CSMD2: variants seen among roughly 807,000 people sequenced by gnomAD.
The protein encoded by CSMD2 is CUB and sushi domain-containing protein 2.
A neutral mutation model predicts 398.5 loss-of-function variants in CSMD2; 130 were observed. The observed-to-expected ratio is 0.33, with a 90% CI of 0.28 to 0.38. The LOEUF (loss-of-function observed/expected upper bound fraction) is 0.38, where lower values mean the gene tolerates loss of function less well. Ranked by LOEUF, CSMD2 falls within the 10% of genes least tolerant of loss-of-function variation. The pLI, the probability that CSMD2 is intolerant of heterozygous loss-of-function variation, is 1.00. For synonymous variants in CSMD2, 1,828 were observed against 1,908.5 expected (o/e 0.96, Z 1.10); for missense variants, 3,829 against 4,764.9 (o/e 0.80, Z 5.78).
rs571561678 is a variant in CSMD2 at position 33,728,578 on chromosome 1, G to C, written c.2369-1893C>G. 2.9e-4 allele frequency among the ~76,000 whole-genome samples: 44 copies of C among 152,118 alleles called. 1 individual carries two copies. The highest frequency in any genetic ancestry group is 6.0e-4 in the Non-Finnish European group (41 of 68,028). ...AAAACTAAGGCCAAGTAGGTTAAGA[G>C]ACTAGATCAAGGATACAGAGCTAAT... On this transcript the variant is annotated intron_variant, in intron 15 of 70. Coordinates refer to ENST00000373381, the MANE Select transcript of CSMD2 (RefSeq NM_001281956.2).
Position 33,624,917 on chromosome 1 carries a change from AC to A in CSMD2, c.5500+133del, listed in dbSNP as rs573905542. On this transcript the variant is annotated intron_variant, in intron 34 of 70. Coordinates refer to ENST00000373381, the MANE Select transcript of CSMD2 (RefSeq NM_001281956.2). The surrounding 1 kb of genome is among the most constrained non-coding windows in gnomAD (Gnocchi z 4.7). ...GCCGGGGACTGGGGTTGACTGGGAC[AC>A]CCCACCTCAGCCATGCGGTGGGAAG... The A allele has an allele frequency of 2.1e-5, 20 of 968,144 alleles. No individual in the cohort carries two copies. The South Asian group carries it at 3.1e-4, about 15-fold the overall frequency. The allele number at this position is 968,144 out of a possible 1,614,324, so 60.0% of individuals were successfully genotyped here. A position where few individuals can be genotyped will look rare whatever the true frequency, so the allele number is the denominator to read the frequency against.
chr1:33,988,634 G>A (rs1027350251), intron 3 of CSMD2, among the ~76,000 whole-genome samples: 1 of 152,046 alleles, frequency 6.6e-6, no homozygotes, highest in Non-Finnish European at 1.5e-5. Context: ...GCAGGGACTT[G>A]TTCCACTTTA....
chr1:34,125,093 G>C (rs769646613), intron 1 of CSMD2, among the ~76,000 whole-genome samples: 24 of 152,180 alleles, frequency 1.6e-4, no homozygotes, highest in Non-Finnish European at 4.4e-5. Context: ...AGCCAGGCCA[G>C]ACCAAATAAA....
Position 33,707,689 on chromosome 1 carries a change from GCGCGCGCACACACACACA to G in CSMD2, c.3576+1382_3576+1399del, listed in dbSNP as rs1296566717. On this transcript the variant is annotated intron_variant, in intron 22 of 70. Coordinates refer to ENST00000373381, the MANE Select transcript of CSMD2 (RefSeq NM_001281956.2). ...CAAACACGCACGCGTGCACACGCGC[GCGCGCGCACACACACACA>G]CACACACACACACACACACACACAC... Among the ~76,000 whole-genome samples the G allele has an allele frequency of 1.6e-3, 201 of 126,398 alleles. 1 individual carries two copies. Among genetic ancestry groups the G allele is most frequent in the Middle Eastern group, 8.3e-3 (2 of 242 alleles). The allele number at this position is 126,398 out of a possible 152,430, so 82.9% of individuals were successfully genotyped here. A position where few individuals can be genotyped will look rare whatever the true frequency, so the allele number is the denominator to read the frequency against.
At chr1:34,040,294 CTT>C (rs1651702903) in intron 2 of CSMD2, among the ~76,000 whole-genome samples, 1 of 152,126 alleles carries the variant, frequency 6.6e-6, no homozygotes, top group Non-Finnish European at 1.5e-5. Context: ...CGGGAGAGCT[CTT>C]TGCTATTTTA....
In CSMD2 at chr1:33,636,125, C is replaced by CT. The variant is rs1642786064; in HGVS notation, c.4969+234dup. On this transcript the variant is annotated intron_variant, in intron 30 of 70. Transcript: ENST00000373381. The surrounding 1 kb of genome is among the most constrained non-coding windows in gnomAD (Gnocchi z 4.8). The stretch of plus-strand genomic sequence containing the variant: ...GGGCCTCTGTTGAGGGCATGAGCAT[C>CT]TATGTGAATGGGGGTAGGGACACCA... 6.6e-6 allele frequency among the ~76,000 whole-genome samples: 1 copy of CT among 152,154 alleles called. No individual in the cohort carries two copies. The highest frequency in any genetic ancestry group is 6.5e-5 in the Admixed American group (1 of 15,278).
At chr1:33,861,265 T>A (rs1639476509) in intron 5 of CSMD2, 1 of 152,230 alleles carries the variant, frequency 6.6e-6, no homozygotes, top group Non-Finnish European at 1.5e-5. Flanking sequence ...GTTGGCAGAT[T>A]TACGACCCCC....
At position 33,743,344 on chromosome 1, in the gene CSMD2, C is replaced by T. The variant is rs1349035632; in HGVS notation, c.2109G>A (p.Val703=). The T allele has an allele frequency of 1.9e-6, 3 of 1,614,132 alleles. No homozygotes were observed. The highest frequency in any genetic ancestry group is 2.5e-6 in the Non-Finnish European group (3 of 1,180,006). ...GGTCAGTCTGGAACTCGAGACGGGC[C>T]ACGTGGCCACTGCTTGTGATGGAGG... The part of the protein sequence containing the change: ...LPSSITSSGH[V]ARLEFQTDHS... The change falls in exon 14 of 71, where the codon GTG becomes GTA. Residue 703 remains valine (V), a synonymous_variant. Coordinates refer to ENST00000373381, the MANE Select transcript of CSMD2 (RefSeq NM_001281956.2).
At chr1:34,105,990 T>C (rs1660487076) in intron 1 of CSMD2, among the ~76,000 whole-genome samples, 1 of 152,224 alleles carries the variant, frequency 6.6e-6, no homozygotes, top group South Asian at 2.1e-4. Context: ...CCATGGATTC[T>C]ATCAAGAACC....
At chr1:34,012,920 C>T (rs1435142176) in intron 3 of CSMD2, among the ~76,000 whole-genome samples, 3 of 152,204 alleles carry the variant, frequency 2.0e-5, no homozygotes, top group African/African-American at 7.2e-5. Context: ...ATTTGCCTCT[C>T]CAGGCTTGTC....
intron 13 of CSMD2, among the ~76,000 whole-genome samples, chr1:33,771,867 C>A (rs1487796931): frequency 6.6e-6 from 1 of 152,214 alleles, no homozygotes; most frequent in African/African-American, 2.4e-5. Context: ...CCCACAGAGA[C>A]CATGTCTGGG....
At chr1:34,147,704 TGGG>T (rs1639912088) in intron 1 of CSMD2, among the ~76,000 whole-genome samples, 1 of 147,552 alleles carries the variant, frequency 6.8e-6, no homozygotes, top group Non-Finnish European at 1.5e-5. Flanking sequence ...AGTGTGTGCA[TGGG>T]CTAATGGGAG....
intron 14 of CSMD2, among the ~76,000 whole-genome samples, chr1:33,739,829 G>A (rs1646999725): frequency 6.6e-6 from 1 of 152,096 alleles, no homozygotes; most frequent in Non-Finnish European, 1.5e-5. Flanking sequence ...TAAAGGAGGT[G>A]CCCTAGAATT....
intron 2 of CSMD2, among the ~76,000 whole-genome samples, chr1:34,049,002 C>T (rs1345281340): frequency 6.6e-6 from 1 of 152,104 alleles, no homozygotes; most frequent in East Asian, 1.9e-4. Flanking sequence ...ACCATGGTTC[C>T]TTCTCCAGAA....
chr1:33,894,513 G>C (rs1267151904), intron 5 of CSMD2, among the ~76,000 whole-genome samples: 4 of 152,038 alleles, frequency 2.6e-5, no homozygotes, highest in Non-Finnish European at 5.9e-5. Flanking sequence ...TCATTCCTTG[G>C]GTGGGATAAT....
In CSMD2 at chr1:33,792,323, C is replaced by T. The variant is rs912618011; in HGVS notation, c.1550+100G>A. On this transcript the variant is annotated intron_variant, in intron 11 of 70. Transcript: ENST00000373381. The stretch of plus-strand genomic sequence containing the variant: ...GGAACATTGCAGGATACTGTCTTTG[C>T]TGTAGTATGGTCTAGGGACCAGGCA... The T allele has an allele frequency of 8.9e-6, 7 of 790,262 alleles. No individual in the cohort carries two copies. In the African/African-American group the frequency reaches 1.2e-4, roughly 13 times the overall value. The allele number at this position is 790,262 out of a possible 1,614,324, so 49.0% of individuals were successfully genotyped here.
At chr1:33,847,108 T>G (rs1274426502) in intron 5 of CSMD2, 112 bp from the exon 6 acceptor site, 1 of 654,174 alleles carries the variant, frequency 1.5e-6, no homozygotes, top group African/African-American at 1.9e-5. Context: ...AGCCCAGCTC[T>G]GGAGCAGGAA....
intron 26 of CSMD2, among the ~76,000 whole-genome samples, chr1:33,660,411 G>A (rs774542486): frequency 1.3e-5 from 2 of 152,140 alleles, no homozygotes; most frequent in Non-Finnish European, 2.9e-5. Flanking sequence ...CTGGATCCAC[G>A]TGGTACAGAC....
chr1:33,679,799 G>C (rs1644843480), intron 25 of CSMD2, among the ~76,000 whole-genome samples: 2 of 151,848 alleles, frequency 1.3e-5, no homozygotes. Context: ...TTTGCTTTAT[G>C]TTTTCTCATT....
Sources: gnomAD v4.1 joint callset for allele counts (sites outside exome capture counted in the v4.1 genomes callset) on GRCh38, gnomAD v4.1.1 for gene constraint, Gnocchi (gnomAD v3.1) non-coding constraint, MANE v1.5 for transcripts, NCBI Gene and HGNC (gene_info 2026-07-23, HGNC 2026-07-21) for gene names.